The following SYMPK variants were observed in gnomAD, a reference collection of about 807,000 sequenced individuals.
SYMPK encodes the protein symplekin.
SYMPK carries 49 observed loss-of-function variants against 136.4 expected under a neutral mutation model. The observed-to-expected ratio is 0.36, with a 90% confidence interval of 0.29 to 0.46. The LOEUF (loss-of-function observed/expected upper bound fraction) is 0.46, where lower values mean the gene tolerates loss of function less well. SYMPK is among the 20% of genes least tolerant of loss of function. SYMPK has a pLI of 1.00. For synonymous variants in SYMPK, 766 were observed against 713.0 expected (o/e 1.07, Z -1.19); for missense variants, 1,365 against 1,690.0 (o/e 0.81, Z 3.37).
At chr19:45,848,954 A>G in intron 5 of SYMPK, 78 bp from the exon 6 acceptor site, 1 of 1,558,934 alleles carries the variant, frequency 6.4e-7, no homozygotes, top group South Asian at 1.1e-5. Context: ...TCCAGGAGGG[A>G]AGGGAAATCA....
At position 45,863,125 on chromosome 19, in the gene SYMPK, G is replaced by GCCGCCT. The variant is rs1196518738; in HGVS notation, c.-81_-80insAGGCGG. The stretch of plus-strand genomic sequence containing the variant: ...CCTCTTCCTACACTCCGCCGCCGCC[G>GCCGCCT]CCGCCGCCATCTTCCGTTCGTCGCC... On this transcript the variant is annotated 5_prime_UTR_variant, in exon 1 of 27. Transcript: ENST00000245934. The GCCGCCT allele has an allele frequency of 2.5e-6, 1 of 405,652 alleles. No homozygotes were observed. The highest frequency in any genetic ancestry group is 2.1e-5 in the African/African-American group (1 of 48,744). 25.1% of individuals were successfully genotyped at this position (405,652 alleles called of 1,614,324 possible).
intron 7 of SYMPK, among the ~76,000 whole-genome samples, chr19:45,846,853 GCAC>G (rs1340530344): frequency 6.6e-5 from 10 of 151,650 alleles, no homozygotes; most frequent in Non-Finnish European, 1.0e-4. Context: ...GAGTGCAGTG[GCAC>G]AGTCTCAGCT....
At chr19:45,816,215 G>C in intron 25 of SYMPK, 32 bp from the exon 26 acceptor site, 1 of 1,432,076 alleles carries the variant, frequency 7.0e-7, no homozygotes. Flanking sequence ...CAGAAGCTCA[G>C]AGGTGGGTGG....
In SYMPK at chr19:45,840,549, G is replaced by A. The variant is rs1252435397; in HGVS notation, c.1087+1701C>T. Among the ~76,000 whole-genome samples, 5 of 152,076 alleles carry A rather than the reference G, an allele frequency of 3.3e-5. No homozygotes were observed. The South Asian group carries it at 1.0e-3, about 32-fold the overall frequency. The stretch of plus-strand genomic sequence containing the variant: ...ATGGTGGCACATGCCTGTAATCCCA[G>A]CTACTTGGGAGGCTGAGGCAGGAGA... On this transcript the variant is annotated intron_variant, in intron 9 of 26. Coordinates refer to ENST00000245934, the MANE Select transcript of SYMPK (RefSeq NM_004819.3).
intron 1 of SYMPK, among the ~76,000 whole-genome samples, chr19:45,861,032 G>GTTTAC (rs1183188400): frequency 6.6e-6 from 1 of 152,180 alleles, no homozygotes; most frequent in Non-Finnish European, 1.5e-5. Flanking sequence ...CCCCAGGTCT[G>GTTTAC]TTTACGTAAG....
chr19:45,829,960 G>T, intron 13 of SYMPK, 94 bp downstream of exon 13: 1 of 1,409,752 alleles, frequency 7.1e-7, no homozygotes, highest in Non-Finnish European at 9.5e-7. Flanking sequence ...CAGCCAGGGA[G>T]GTTTGACGCC....
Position 45,830,163 on chromosome 19 carries a change from C to G in SYMPK, c.1640G>C (p.Ser547Thr). 6.2e-7 allele frequency: 1 copy of G among 1,608,912 alleles called. No individual in the cohort carries two copies. The highest frequency in any genetic ancestry group is 8.5e-7 in the Non-Finnish European group (1 of 1,177,334). The change falls in exon 13 of 27, where the codon AGC (serine) becomes ACC (threonine). Residue 547 changes from serine (S) to threonine (T), a missense_variant. Coordinates refer to ENST00000245934, the MANE Select transcript of SYMPK (RefSeq NM_004819.3). Reference sequence around the variant, plus strand: ...ATCGGTAAGGGGCTTCAGCACGTCGCTGAGACGGAAAATTTTCTTGCGCCC... The same window carrying G: ...ATCGGTAAGGGGCTTCAGCACGTCGGTGAGACGGAAAATTTTCTTGCGCCC... ...AGGRKKIFRL[S>T]DVLKPLTDAQ...
chr19:45,856,840 G>C (rs1159865497), intron 1 of SYMPK, among the ~76,000 whole-genome samples: 1 of 151,970 alleles, frequency 6.6e-6, no homozygotes, highest in Admixed American at 6.6e-5. Context: ...AAACAGGCCA[G>C]GTGCAGTGGC....
intron 6 of SYMPK, 122 bp downstream of exon 6, chr19:45,848,628 A>T: frequency 7.3e-7 from 1 of 1,366,292 alleles, no homozygotes; most frequent in Non-Finnish European, 1.0e-6. Flanking sequence ...CTGTTCCCAC[A>T]GACCAGTGGC....
chr19:45,830,089 C>T lies in SYMPK; in HGVS notation c.1714G>A (p.Ala572Thr), dbSNP rs980212803. Residue 572 changes from alanine (A) to threonine (T), a missense_variant, in exon 13 of 27, where the codon GCT becomes ACT. This residue lies in a region of SYMPK where 303 missense variants were observed against 326.6 expected (regional missense o/e 0.93). Coordinates refer to ENST00000245934, the MANE Select transcript of SYMPK (RefSeq NM_004819.3). ...KLGAVKRILR[A>T]EKAVACSGAA... ...CCGCTGCAGGCCACAGCCTTCTCAGCCCGCAGGATCCGCTTCACAGCGCCC... is the reference window on the plus strand; with the variant it reads ...CCGCTGCAGGCCACAGCCTTCTCAGTCCGCAGGATCCGCTTCACAGCGCCC... 3 of 1,563,370 alleles carry T rather than the reference C, an allele frequency of 1.9e-6. No homozygotes were observed. The highest frequency in any genetic ancestry group is 2.6e-6 in the Non-Finnish European group (3 of 1,152,554).
intron 10 of SYMPK, among the ~76,000 whole-genome samples, chr19:45,835,869 G>T (rs960327822): frequency 6.6e-6 from 1 of 151,684 alleles, no homozygotes; most frequent in African/African-American, 2.4e-5. Context: ...CCGAGATCGC[G>T]CTACTGCACT....
At chr19:45,828,167 T>G in intron 14 of SYMPK, 1 of 459,462 alleles carries the variant, frequency 2.2e-6, no homozygotes, top group Non-Finnish European at 4.0e-6. Flanking sequence ...CCTAACTTTA[T>G]TCACTGAACA....
chr19:45,823,299 C>G (rs10406239), intron 20 of SYMPK, 73 bp downstream of exon 20: 2 of 1,463,072 alleles, frequency 1.4e-6, no homozygotes, highest in East Asian at 2.3e-5. Context: ...GCTGCTGAAG[C>G]AACGTGCTGC....
intron 1 of SYMPK, among the ~76,000 whole-genome samples, chr19:45,859,953 TAAAAAAAAA>T (rs61203536): frequency 3.5e-5 from 3 of 85,650 alleles, no homozygotes; most frequent in South Asian, 8.2e-4. Flanking sequence ...AGACTCCATC[TAAAAAAAAA>T]AAAAAAAAAA....
chr19:45,815,779 G>T, intron 26 of SYMPK, 72 bp downstream of exon 26: 1 of 1,586,822 alleles, frequency 6.3e-7, no homozygotes, highest in East Asian at 2.3e-5. Context: ...CCCCCTGATG[G>T]CCCCTCCTCC....
At chr19:45,848,445 G>A (rs1332687032) in intron 6 of SYMPK, among the ~76,000 whole-genome samples, 1 of 152,202 alleles carries the variant, frequency 6.6e-6, no homozygotes, top group African/African-American at 2.4e-5. Context: ...CACTGTGAAG[G>A]CAGTAAGCTG....
At chr19:45,853,558 G>A (rs555139934) in intron 3 of SYMPK, among the ~76,000 whole-genome samples, 15 of 151,428 alleles carry the variant, frequency 9.9e-5, no homozygotes, top group Admixed American at 2.6e-4. Context: ...GTTGCAGTGA[G>A]AGCCAGGATC....
rs1331325499 is a variant in SYMPK, at chr19:45,816,505, C to T, written c.3331G>A (p.Ala1111Thr). The T allele has an allele frequency of 1.2e-6, 2 of 1,613,330 alleles. No individual in the cohort carries two copies. Among genetic ancestry groups the T allele is most frequent in the South Asian group, 1.1e-5 (1 of 91,074 alleles). ...SGKQEPEAKE[A>T]PAGPLEEDDL... ...ACCTCCTCCAAGGGCCCCGCAGGCG[C>T]CTCCTTGGCCTCTGGCTCCTGCTTG... is the stretch of plus-strand genomic sequence containing the variant. The change falls in exon 25 of 27, where the codon GCG becomes ACG. Residue 1111 changes from alanine (A) to threonine (T), a missense_variant. Physicochemically the swap from Ala to Thr is moderately conservative, Grantham distance 58. Coordinates refer to ENST00000245934, the MANE Select transcript of SYMPK (RefSeq NM_004819.3).
At chr19:45,816,775 T>C in intron 24 of SYMPK, 23 bp downstream of exon 24, 2 of 1,509,750 alleles carry the variant, frequency 1.3e-6, no homozygotes, top group Non-Finnish European at 1.8e-6. Context: ...GGGGAAAGGG[T>C]ACCTGGTGGG....
Sources: allele counts gnomAD v4.1 joint callset (sites outside exome capture counted in the v4.1 genomes callset), GRCh38; gene constraint gnomAD v4.1.1; regional missense constraint gnomAD v4.1.1; transcripts MANE v1.5; gene names NCBI Gene and HGNC (gene_info 2026-07-23, HGNC 2026-07-21).